The following LPGAT1 variants were observed in gnomAD, a reference collection of about 807,000 sequenced individuals.
The protein encoded by LPGAT1 is lysophosphatidylglycerol acyltransferase 1.
In LPGAT1, 11 loss-of-function variants were observed where a neutral mutation model predicts 47.5. The observed-to-expected ratio is 0.23, with a 90% CI of 0.15 to 0.38. LPGAT1 has a LOEUF of 0.38. LPGAT1 is among the 10% of genes least tolerant of loss of function. The probability of loss-of-function intolerance (pLI) is 1.00; values close to 1 mark genes in which losing one functional copy is unlikely to be tolerated. For missense variants in LPGAT1, 293 were observed against 439.0 expected, an observed-to-expected ratio of 0.67 and a Z score of 2.97; for synonymous variants, 138 against 144.2, an observed-to-expected ratio of 0.96 and a Z score of 0.31.
chr1:211,752,207 T>G (rs907442034), intron 6 of LPGAT1, among the ~76,000 whole-genome samples: 2 of 152,234 alleles, frequency 1.3e-5, no homozygotes, highest in South Asian at 4.1e-4. Context: ...TGCTTAATTT[T>G]CCATGTACAT....
At chr1:211,768,356 T>C (rs1171695842) in intron 6 of LPGAT1, among the ~76,000 whole-genome samples, 1 of 152,198 alleles carries the variant, frequency 6.6e-6, no homozygotes, top group Non-Finnish European at 1.5e-5. Flanking sequence ...AATTGAAGAA[T>C]ACATGCATAT....
chr1:211,783,925 C>T (rs868065269), intron 4 of LPGAT1, among the ~76,000 whole-genome samples: 41 of 152,156 alleles, frequency 2.7e-4, no homozygotes, highest in Middle Eastern at 3.4e-3. Flanking sequence ...AGGAAGAAAA[C>T]AGTAAAAGGA....
chr1:211,749,912 T>C lies in LPGAT1; in HGVS notation c.1100A>G (p.His367Arg), dbSNP rs1657103454. 2 of 1,613,894 alleles carry C rather than the reference T, an allele frequency of 1.2e-6. No homozygotes were observed. The highest frequency in any genetic ancestry group is 4.5e-5 in the East Asian group (2 of 44,872). ...CCACGTCAATTCCTAAAACAGGCAA[T>C]GGTAAAAATACTGAATGATGTTGTA... ...MWYNIIQYFY[H>R]CLF Residue 367 changes from histidine (H) to arginine (R), a missense_variant, in exon 8 of 8, where the codon CAT (histidine) becomes CGT (arginine). Transcript: ENST00000366997.
intron 2 of LPGAT1, among the ~76,000 whole-genome samples, chr1:211,828,156 A>G (rs1194198294): frequency 6.6e-6 from 1 of 152,220 alleles, no homozygotes; most frequent in Non-Finnish European, 1.5e-5. Flanking sequence ...TGACCACAGC[A>G]TCTGCATGAT....
chr1:211,784,090 T>C (rs1658747686), intron 4 of LPGAT1, among the ~76,000 whole-genome samples: 1 of 152,114 alleles, frequency 6.6e-6, no homozygotes, highest in Non-Finnish European at 1.5e-5. Context: ...GGAACGAGTA[T>C]GGCATGTTCA....
chr1:211,753,890 C>G (rs182772838), intron 6 of LPGAT1, among the ~76,000 whole-genome samples: 2 of 152,176 alleles, frequency 1.3e-5, no homozygotes, highest in Non-Finnish European at 2.9e-5. Context: ...GCCTGTTACC[C>G]TCACTGAGGA....
At chr1:211,758,991 T>C (rs1211008763) in intron 6 of LPGAT1, among the ~76,000 whole-genome samples, 2 of 152,202 alleles carry the variant, frequency 1.3e-5, no homozygotes, top group African/African-American at 4.8e-5. Flanking sequence ...TTTGTTAATA[T>C]GAACTACTTT....
intron 2 of LPGAT1, among the ~76,000 whole-genome samples, chr1:211,794,336 T>C (rs1439934547): frequency 1.3e-5 from 2 of 152,214 alleles, no homozygotes; most frequent in Non-Finnish European, 2.9e-5. Context: ...TCTTGCTCTG[T>C]TACCTTGGCT....
intron 6 of LPGAT1, among the ~76,000 whole-genome samples, chr1:211,770,461 AT>A (rs1658117881): frequency 6.6e-6 from 1 of 152,194 alleles, no homozygotes; most frequent in Non-Finnish European, 1.5e-5. Context: ...TTTAAATACT[AT>A]TATTGATTTG....
rs180774155 is a variant in LPGAT1, at chr1:211,762,492, T to C, written c.855-11425A>G. Among the ~76,000 whole-genome samples the C allele has an allele frequency of 5.3e-5, 8 of 152,350 alleles. No individual in the cohort carries two copies. In the South Asian group the frequency reaches 6.2e-4, roughly 12 times the overall value. On this transcript the variant is annotated intron_variant, in intron 6 of 7. Transcript: ENST00000366997. ...CTTCTATTACTCTGATTGGTCACCA[T>C]AGGATTAAAATATTAAAATGACTAA...
chr1:211,822,868 AAT>A (rs899559984), intron 2 of LPGAT1, among the ~76,000 whole-genome samples: 1 of 152,114 alleles, frequency 6.6e-6, no homozygotes, highest in African/African-American at 2.4e-5. Context: ...CAAAACCAGA[AAT>A]TCCAGTGGAG....
intron 6 of LPGAT1, among the ~76,000 whole-genome samples, chr1:211,756,857 G>GTTTTTTTTTTTTTTTTTTTT (rs528629982): frequency 7.6e-6 from 1 of 130,748 alleles, no homozygotes. Flanking sequence ...TGTTTGCTTT[G>GTTTTTTTTTTTTTTTTTTTT]TTTTTTTTTT....
chr1:211,819,813 C>T (rs569042396), intron 2 of LPGAT1, among the ~76,000 whole-genome samples: 2 of 152,126 alleles, frequency 1.3e-5, no homozygotes, highest in Admixed American at 1.3e-4. Context: ...GGTGAAACCC[C>T]GACTCTACTA....
intron 3 of LPGAT1, among the ~76,000 whole-genome samples, chr1:211,789,102 A>G (rs1659005958): frequency 6.6e-6 from 1 of 152,242 alleles, no homozygotes; most frequent in African/African-American, 2.4e-5. Flanking sequence ...ATCAATTAAT[A>G]TAGAGTAAGA....
intron 2 of LPGAT1, chr1:211,803,069 C>T (rs1659630560): frequency 2.0e-5 from 3 of 151,868 alleles, no homozygotes; most frequent in East Asian, 1.9e-4. Flanking sequence ...AAAGACTGAA[C>T]TTGTTTTCCT....
At chr1:211,821,128 T>C (rs1484951892) in intron 2 of LPGAT1, among the ~76,000 whole-genome samples, 1 of 152,140 alleles carries the variant, frequency 6.6e-6, no homozygotes, top group Non-Finnish European at 1.5e-5. Context: ...TGGTGGTGCA[T>C]GCCTGTAATC....
chr1:211,800,193 A>ATT (rs376366429), intron 2 of LPGAT1, among the ~76,000 whole-genome samples: 193 of 141,882 alleles, frequency 1.4e-3, no homozygotes, highest in South Asian at 2.1e-3. Context: ...TGTCCAGCTA[A>ATT]TTTTTTTTTT....
At chr1:211,769,705 A>G (rs1658084411) in intron 6 of LPGAT1, among the ~76,000 whole-genome samples, 1 of 152,142 alleles carries the variant, frequency 6.6e-6, no homozygotes, top group African/African-American at 2.4e-5. Flanking sequence ...ACTTCCTGAC[A>G]TTTCCATGGC....
chr1:211,806,492 T>A (rs889865864), intron 2 of LPGAT1, among the ~76,000 whole-genome samples: 4 of 151,786 alleles, frequency 2.6e-5, no homozygotes, highest in Admixed American at 1.3e-4. Context: ...GACACAAAGA[T>A]GGGAATGGTA....
Sources: gnomAD v4.1 joint callset for allele counts (sites outside exome capture counted in the v4.1 genomes callset) on GRCh38, gnomAD v4.1.1 for gene constraint, MANE v1.5 for transcripts, NCBI Gene and HGNC (gene_info 2026-07-23, HGNC 2026-07-21) for gene names.